TRIM5: variants seen among roughly 807,000 people sequenced by gnomAD.
The protein encoded by TRIM5 is tripartite motif containing 5.
A neutral mutation model predicts 35.6 loss-of-function variants in TRIM5; 31 were observed. That is an observed-to-expected ratio of 0.87 (90% confidence interval 0.65 to 1.18). The LOEUF (loss-of-function observed/expected upper bound fraction) is 1.18. TRIM5 is among the 50% of genes most tolerant of loss of function. TRIM5 has a pLI of 0.00. For missense variants in TRIM5, 609 were observed against 591.6 expected (o/e 1.03, Z -0.31); for synonymous variants, 243 against 215.6 (o/e 1.13, Z -1.11).
Position 5,669,510 on chromosome 11 carries a change from A to C in TRIM5, c.745-1799T>G, listed in dbSNP as rs57844466. On this transcript the variant is annotated intron_variant, in intron 4 of 7. Transcript: ENST00000380034. Reference sequence around the variant, plus strand: ...TGCCAGACACAATTTTTCCACATAGATTTTTTTTCAAGAACAAAGCCAATA... The same window carrying C: ...TGCCAGACACAATTTTTCCACATAGCTTTTTTTTCAAGAACAAAGCCAATA... 4.7e-3 allele frequency among the ~76,000 whole-genome samples: 710 copies of C among 150,888 alleles called. 5 individuals are homozygous for C. The highest frequency in any genetic ancestry group is 0.016 in the African/African-American group (678 of 41,114).
the TRIM5 span, among the ~76,000 whole-genome samples, chr11:5,620,190 T>TTTTTTA: frequency 1.6e-5 from 2 of 123,956 alleles, no homozygotes; most frequent in South Asian, 5.5e-4. Flanking sequence ...TTTTTTTTTT[T>TTTTTTA]TTGTTGAGAC....
At chr11:5,630,824 T>C in the TRIM5 span, among the ~76,000 whole-genome samples, 1 of 152,256 alleles carries the variant, frequency 6.6e-6, no homozygotes, top group African/African-American at 2.4e-5. Context: ...TAGGTGACTG[T>C]TTACTTTATT....
the TRIM5 span, chr11:5,604,890 C>T: frequency 4.3e-6 from 2 of 460,190 alleles, 1 homozygote; most frequent in South Asian, 6.3e-5. Flanking sequence ...AATTCTGGGT[C>T]TTGCTCTACA....
At chr11:5,619,339 C>A in the TRIM5 span, among the ~76,000 whole-genome samples, 2 of 152,224 alleles carry the variant, frequency 1.3e-5, no homozygotes, top group Non-Finnish European at 2.9e-5. Context: ...CAGAGAAGTA[C>A]AGGAATCTTC....
chr11:5,649,565 G>T, the TRIM5 span, among the ~76,000 whole-genome samples: 1 of 152,126 alleles, frequency 6.6e-6, no homozygotes, highest in South Asian at 2.1e-4. Context: ...TCCTGTCTTT[G>T]CCTGTTGGTT....
chr11:5,597,825 T>C, the TRIM5 span, among the ~76,000 whole-genome samples: 30 of 152,176 alleles, frequency 2.0e-4, no homozygotes, highest in Non-Finnish European at 4.0e-4. Context: ...CTTCTAGCTG[T>C]TTTGCACCCT....
chr11:5,666,236 A>C (rs1851128320), intron 5 of TRIM5, 155 bp from the exon 6 acceptor site: 1 of 702,342 alleles, frequency 1.4e-6, no homozygotes, highest in Non-Finnish European at 2.5e-6. Flanking sequence ...CCCTGGAGGC[A>C]AACAAAATGT....
intron 4 of TRIM5, chr11:5,669,784 G>C (rs970034487): frequency 6.4e-6 from 1 of 155,402 alleles, no homozygotes; most frequent in Non-Finnish European, 1.4e-5. Context: ...GATCACTTGA[G>C]GTCAGGAGTT....
intron 4 of TRIM5, among the ~76,000 whole-genome samples, chr11:5,671,301 G>T (rs61875731): frequency 2.1e-5 from 1 of 47,964 alleles, no homozygotes; most frequent in African/African-American, 6.3e-5. Context: ...AGCTCAGGGG[G>T]ATTAAAAAAA....
the TRIM5 span, chr11:5,642,339 C>A: frequency 1.4e-6 from 2 of 1,424,698 alleles, no homozygotes; most frequent in South Asian, 1.2e-5. Context: ...GAGATGAAAC[C>A]AGTGATGTGG....
chr11:5,671,942 T>G (rs1851618450), intron 4 of TRIM5, among the ~76,000 whole-genome samples: 1 of 152,054 alleles, frequency 6.6e-6, no homozygotes, highest in Non-Finnish European at 1.5e-5. Context: ...TTCCAAAGGC[T>G]ACAATCAAGG....
At chr11:5,604,531 AAGG>A in the TRIM5 span, 6 of 1,609,128 alleles carry the variant, frequency 3.7e-6, no homozygotes, top group South Asian at 4.5e-5. Context: ...TGTTTTCTTC[AAGG>A]AGAAGTTTCA....
At chr11:5,625,905 G>A in the TRIM5 span, among the ~76,000 whole-genome samples, 3 of 152,198 alleles carry the variant, frequency 2.0e-5, no homozygotes, top group Non-Finnish European at 4.4e-5. Flanking sequence ...CTTAACAGAA[G>A]TTGTTCATTG....
the TRIM5 span, chr11:5,633,736 CT>C: frequency 5.5e-6 from 8 of 1,465,760 alleles, no homozygotes; most frequent in Non-Finnish European, 7.3e-6. Context: ...GATTTTTTCC[CT>C]GTTTGTCCTC....
At chr11:5,610,071 G>A in the TRIM5 span, 2 of 1,490,372 alleles carry the variant, frequency 1.3e-6, no homozygotes, top group Non-Finnish European at 1.9e-6. Flanking sequence ...AGTAGGCTTG[G>A]GAGGTAAGGG....
chr11:5,606,191 T>C, the TRIM5 span, among the ~76,000 whole-genome samples: 1 of 152,224 alleles, frequency 6.6e-6, no homozygotes, highest in South Asian at 2.1e-4. Flanking sequence ...CAGCCCTTCT[T>C]TGTTTTCACT....
the TRIM5 span, among the ~76,000 whole-genome samples, chr11:5,649,102 T>C: frequency 0.031 from 4,774 of 152,306 alleles, 170 homozygotes; most frequent in East Asian, 0.14. Flanking sequence ...TCCAACTCTC[T>C]ATTTTTACTC....
the TRIM5 span, among the ~76,000 whole-genome samples, chr11:5,604,106 G>C: frequency 6.6e-6 from 1 of 152,008 alleles, no homozygotes; most frequent in Non-Finnish European, 1.5e-5. Flanking sequence ...AGCAGTTCTC[G>C]TGCCTGGCCT....
At chr11:5,651,715 C>A in the TRIM5 span, among the ~76,000 whole-genome samples, 1 of 152,178 alleles carries the variant, frequency 6.6e-6, no homozygotes, top group Non-Finnish European at 1.5e-5. Flanking sequence ...TGAGAAATTG[C>A]CAAACTGCTT....
Sources: gnomAD v4.1 joint callset for allele counts (sites outside exome capture counted in the v4.1 genomes callset) on GRCh38, gnomAD v4.1.1 for gene constraint, MANE v1.5 for transcripts, NCBI Gene and HGNC (gene_info 2026-07-23, HGNC 2026-07-21) for gene names.